The following PTPDC1 variants were observed in gnomAD, a reference collection of about 807,000 sequenced individuals.
PTPDC1 encodes protein tyrosine phosphatase domain-containing protein 1.
Under a neutral mutation model 75.3 loss-of-function variants are expected in PTPDC1, and 53 were observed. The ratio of observed to expected loss-of-function variants is 0.70; its 90% CI spans 0.56 to 0.88. PTPDC1 has a LOEUF of 0.88. Ranked by LOEUF, PTPDC1 falls within the 40% of genes least tolerant of loss-of-function variation. The pLI is 0.00. For synonymous variants in PTPDC1, 349 were observed against 366.2 expected (o/e 0.95, Z 0.54); for missense variants, 925 against 998.6 (o/e 0.93, Z 0.99).
At chr9:94,104,874 C>T (rs371332972) in intron 8 of PTPDC1, among the ~76,000 whole-genome samples, 2 of 152,160 alleles carry the variant, frequency 1.3e-5, no homozygotes, top group East Asian at 3.8e-4. Flanking sequence ...CTTTTGGATG[C>T]AGCAGTTTTT....
chr9:94,032,777 A>G (rs943770670), intron 1 of PTPDC1, among the ~76,000 whole-genome samples: 3 of 152,102 alleles, frequency 2.0e-5, no homozygotes, highest in African/African-American at 7.2e-5. Flanking sequence ...GACCTCCTGT[A>G]GTGCTGGGAT....
intron 1 of PTPDC1, among the ~76,000 whole-genome samples, chr9:94,041,620 A>G (rs888349877): frequency 6.6e-6 from 1 of 152,140 alleles, no homozygotes; most frequent in Non-Finnish European, 1.5e-5. Context: ...TTTTAACTTA[A>G]TACTGCATTA....
At chr9:94,057,209 G>T (rs1207365202) in intron 1 of PTPDC1, among the ~76,000 whole-genome samples, 1 of 152,060 alleles carries the variant, frequency 6.6e-6, no homozygotes, top group Non-Finnish European at 1.5e-5. Flanking sequence ...CTCCCAAGTA[G>T]CTGGGACTAC....
At chr9:94,067,078 C>T (rs1265398339) in intron 2 of PTPDC1, among the ~76,000 whole-genome samples, 2 of 151,994 alleles carry the variant, frequency 1.3e-5, no homozygotes, top group Non-Finnish European at 2.9e-5. Flanking sequence ...CTCAAGGCAT[C>T]GCGTCATTTT....
At position 94,097,669 on chromosome 9, in the gene PTPDC1, C is replaced by G. The variant is rs1258780100; in HGVS notation, c.1103C>G (p.Pro368Arg). The G allele has an allele frequency of 2.5e-6, 4 of 1,614,034 alleles. No individual in the cohort carries two copies. The highest frequency in any genetic ancestry group is 2.5e-6 in the Non-Finnish European group (3 of 1,180,036). Reference sequence around the variant, plus strand: ...ATGATGAAGGATGTGTCCGAAGGACCTGGTCTCTCTGCTGAAATAGAAAAG... The same window carrying G: ...ATGATGAAGGATGTGTCCGAAGGACGTGGTCTCTCTGCTGAAATAGAAAAG... The part of the protein sequence containing the change: ...PVMMKDVSEG[P>R]GLSAEIEKTM... Residue 368 changes from proline (P) to arginine (R), a missense_variant, in exon 6 of 9, where the codon CCT becomes CGT. Coordinates refer to ENST00000620992, the MANE Select transcript of PTPDC1 (RefSeq NM_001253829.2).
intron 2 of PTPDC1, among the ~76,000 whole-genome samples, chr9:94,072,522 A>ATT (rs149641618): frequency 6.7e-6 from 1 of 149,470 alleles, no homozygotes; most frequent in Admixed American, 6.7e-5. Context: ...ATATGCTGTT[A>ATT]TTTTTTTTTT....
upstream of PTPDC1, among the ~76,000 whole-genome samples, chr9:94,083,283 T>C (rs1011488879): frequency 5.3e-5 from 8 of 152,224 alleles, no homozygotes; most frequent in Non-Finnish European, 1.2e-4. Flanking sequence ...AGGAAAGCTG[T>C]GCTTTCTTCC....
chr9:94,064,562 T>G (rs1826239120), intron 1 of PTPDC1, among the ~76,000 whole-genome samples: 1 of 152,242 alleles, frequency 6.6e-6, no homozygotes, highest in Non-Finnish European at 1.5e-5. Flanking sequence ...TTCAGCATCT[T>G]GTGTGTATTT....
chr9:94,107,762 T>C, intron 8 of PTPDC1, 66 bp from the exon 9 acceptor site: 3 of 830,286 alleles, frequency 3.6e-6, no homozygotes, highest in Non-Finnish European at 5.5e-6. Context: ...CCCCTCCTTC[T>C]CTCAAAATAG....
At chr9:94,053,038 A>G (rs1231644720) in intron 1 of PTPDC1, among the ~76,000 whole-genome samples, 1 of 152,182 alleles carries the variant, frequency 6.6e-6, no homozygotes, top group East Asian at 1.9e-4. Context: ...CTTTATTATA[A>G]TGTGTTTTCT....
intron 2 of PTPDC1, among the ~76,000 whole-genome samples, chr9:94,066,705 A>C (rs1017383050): frequency 1.3e-5 from 2 of 151,808 alleles, no homozygotes; most frequent in African/African-American, 4.8e-5. Context: ...CCACAGGTGC[A>C]TGCCACCACG....
chr9:94,094,700 C>G (rs1386329440), intron 4 of PTPDC1, among the ~76,000 whole-genome samples: 1 of 152,236 alleles, frequency 6.6e-6, no homozygotes, highest in East Asian at 1.9e-4. Flanking sequence ...GCAGTTTGAT[C>G]TCAGACTGCT....
chr9:94,045,941 TTGC>T (rs1825584893), intron 1 of PTPDC1, among the ~76,000 whole-genome samples: 1 of 152,242 alleles, frequency 6.6e-6, no homozygotes, highest in Non-Finnish European at 1.5e-5. Flanking sequence ...CTGAATGGTA[TTGC>T]CTAGGTTTTC....
intron 4 of PTPDC1, among the ~76,000 whole-genome samples, chr9:94,091,249 A>G (rs907912893): frequency 1.3e-5 from 2 of 152,138 alleles, no homozygotes; most frequent in Non-Finnish European, 2.9e-5. Flanking sequence ...ATTTTGAAAT[A>G]CGTCCCATCA....
rs767022651 is a variant in PTPDC1, at chr9:94,101,623, T to C, written c.2071T>C (p.Phe691Leu). The change falls in exon 7 of 9, where the codon TTC (phenylalanine) becomes CTC (leucine). Residue 691 changes from phenylalanine (F) to leucine (L), a missense_variant. Phe to Leu is a conservative substitution (Grantham distance 22). Coordinates refer to ENST00000620992, the MANE Select transcript of PTPDC1 (RefSeq NM_001253829.2). Reference protein sequence around the residue: ...WERICGERDPFILCSLMWSWV... With the variant: ...WERICGERDPLILCSLMWSWV... ...AAGAATATGTGGCGAGAGGGACCCT[T>C]TCATCCTATGCAGCTTGATGTGGTC... 6.2e-7 allele frequency: 1 copy of C among 1,613,874 alleles called. No individual in the cohort carries two copies. Among genetic ancestry groups the C allele is most frequent in the South Asian group, 1.1e-5 (1 of 91,046 alleles).
chr9:94,105,964 C>T (rs1828010258), intron 8 of PTPDC1, among the ~76,000 whole-genome samples: 1 of 151,372 alleles, frequency 6.6e-6, no homozygotes, highest in Non-Finnish European at 1.5e-5. Context: ...CAGAGCAAGA[C>T]TCCATCTCAA....
intron 1 of PTPDC1, among the ~76,000 whole-genome samples, chr9:94,031,457 A>T (rs769883459): frequency 4.7e-5 from 7 of 147,854 alleles, no homozygotes; most frequent in African/African-American, 1.0e-4. Context: ...GCAATCAATT[A>T]AAAAAAAAAG....
intron 1 of PTPDC1, 37 bp downstream of exon 1, chr9:94,084,811 A>T: frequency 7.1e-7 from 1 of 1,411,716 alleles, no homozygotes; most frequent in African/African-American, 1.4e-5. Flanking sequence ...ACCTATGTAT[A>T]TAAGTTTGAG....
At chr9:94,094,809 C>T (rs75214851) in intron 4 of PTPDC1, among the ~76,000 whole-genome samples, 3 of 152,354 alleles carry the variant, frequency 2.0e-5, no homozygotes, top group Non-Finnish European at 4.4e-5. Flanking sequence ...GTCCGAAAAG[C>T]GCAGTGTTCG....
Sources: gnomAD v4.1 joint callset for allele counts (sites outside exome capture counted in the v4.1 genomes callset) on GRCh38, gnomAD v4.1.1 for gene constraint, MANE v1.5 for transcripts, NCBI Gene and HGNC (gene_info 2026-07-23, HGNC 2026-07-21) for gene names.